The following ESRRG variants were observed in gnomAD, a reference collection of about 807,000 sequenced individuals.
The protein encoded by ESRRG is estrogen-related receptor gamma.
A neutral mutation model predicts 44.0 loss-of-function variants in ESRRG; 13 were observed. That is an observed-to-expected ratio of 0.30 (90% confidence interval 0.19 to 0.47). The LOEUF is 0.47. Ranked by LOEUF, ESRRG falls within the 20% of genes least tolerant of loss-of-function variation. The probability of loss-of-function intolerance (pLI) is 1.00; values close to 1 mark genes in which losing one functional copy is unlikely to be tolerated. For synonymous variants in ESRRG, 215 were observed against 214.6 expected (o/e 1.00, Z -0.02); for missense variants, 395 against 580.6 (o/e 0.68, Z 3.29).
chr1:216,577,574 A>G (rs888335125), intron 3 of ESRRG, among the ~76,000 whole-genome samples: 5 of 152,044 alleles, frequency 3.3e-5, no homozygotes, highest in Non-Finnish European at 4.4e-5. Context: ...GATGCTCTGT[A>G]TAAACAGAAG....
At chr1:216,730,209 C>G (rs540239466) in intron 2 of ESRRG, among the ~76,000 whole-genome samples, 3 of 150,058 alleles carry the variant, frequency 2.0e-5, no homozygotes, top group African/African-American at 7.4e-5. Flanking sequence ...TCTGAGGACA[C>G]GTGTCCAGTA....
chr1:216,849,158 A>C (rs1456619745), intron 2 of ESRRG, among the ~76,000 whole-genome samples: 1 of 152,188 alleles, frequency 6.6e-6, no homozygotes, highest in Non-Finnish European at 1.5e-5. Flanking sequence ...ATCTCTAATC[A>C]TTCTTCACCA....
At chr1:216,772,681 A>T (rs557294779) in intron 2 of ESRRG, among the ~76,000 whole-genome samples, 1 of 152,174 alleles carries the variant, frequency 6.6e-6, no homozygotes, top group East Asian at 1.9e-4. Context: ...AAACAATGGC[A>T]TAGTGAGTTT....
chr1:216,549,088 C>T (rs2055447757), intron 5 of ESRRG, among the ~76,000 whole-genome samples: 1 of 151,996 alleles, frequency 6.6e-6, no homozygotes, highest in Non-Finnish European at 1.5e-5. Context: ...TCAAGTGCCA[C>T]CGAAATAAGT....
intron 3 of ESRRG, among the ~76,000 whole-genome samples, chr1:216,591,306 C>T (rs907389607): frequency 6.6e-6 from 1 of 152,208 alleles, no homozygotes; most frequent in East Asian, 1.9e-4. Context: ...GCTCGAAGAG[C>T]TTCTAGGCTG....
At chr1:216,908,213 G>T (rs1577988661) in intron 2 of ESRRG, among the ~76,000 whole-genome samples, 1 of 152,194 alleles carries the variant, frequency 6.6e-6, no homozygotes, top group African/African-American at 2.4e-5. Flanking sequence ...CCTGGGATGA[G>T]GTCTGCCCAC....
intron 2 of ESRRG, among the ~76,000 whole-genome samples, chr1:216,676,194 T>C (rs2076079595): frequency 6.6e-6 from 1 of 152,186 alleles, no homozygotes; most frequent in Non-Finnish European, 1.5e-5. Flanking sequence ...AATATATATC[T>C]ATAGCTTTTT....
chr1:216,597,677 T>C (rs1031714829), intron 3 of ESRRG, among the ~76,000 whole-genome samples: 1 of 152,170 alleles, frequency 6.6e-6, no homozygotes. Context: ...TATTTGACAG[T>C]GCTGATTTGG....
chr1:216,944,989 C>A (rs546716999), intron 1 of ESRRG, among the ~76,000 whole-genome samples: 2 of 152,022 alleles, frequency 1.3e-5, no homozygotes, highest in Non-Finnish European at 2.9e-5. Context: ...TCCAACAAAC[C>A]GTCTCCAGTG....
chr1:217,086,973 G>A (rs1321934191), intron 1 of ESRRG, among the ~76,000 whole-genome samples: 1 of 152,032 alleles, frequency 6.6e-6, no homozygotes, highest in African/African-American at 2.4e-5. Flanking sequence ...GTAAACAAAA[G>A]GAGAACTTCA....
chr1:216,559,320 GA>G (rs1035722502), intron 5 of ESRRG, among the ~76,000 whole-genome samples: 5 of 152,082 alleles, frequency 3.3e-5, no homozygotes, highest in Non-Finnish European at 5.9e-5. Flanking sequence ...AGTTAATCCT[GA>G]AAAAAGAGGC....
intron 1 of ESRRG, among the ~76,000 whole-genome samples, chr1:216,690,137 G>T (rs2078794609): frequency 1.3e-5 from 2 of 152,002 alleles, no homozygotes; most frequent in South Asian, 4.1e-4. Context: ...CCCACAAAAA[G>T]AACTGCTTAG....
chr1:216,974,140 C>T (rs1578907634), intron 1 of ESRRG, among the ~76,000 whole-genome samples: 2 of 152,082 alleles, frequency 1.3e-5, no homozygotes, highest in East Asian at 1.9e-4. Flanking sequence ...TAACTTTCAA[C>T]TATATTCATC....
intron 2 of ESRRG, among the ~76,000 whole-genome samples, chr1:216,935,151 CAT>C (rs1025733713): frequency 2.0e-5 from 3 of 152,172 alleles, no homozygotes; most frequent in African/African-American, 7.2e-5. Context: ...TGCTTTCCCA[CAT>C]GTCAGTTCTC....
chr1:216,526,848 G>C (rs2047815346), intron 5 of ESRRG, among the ~76,000 whole-genome samples: 1 of 152,128 alleles, frequency 6.6e-6, no homozygotes, highest in African/African-American at 2.4e-5. Flanking sequence ...TGCCATCTCT[G>C]CCACCAAAGA....
At chr1:216,997,735 G>A (rs1276815982) in intron 1 of ESRRG, among the ~76,000 whole-genome samples, 1 of 152,216 alleles carries the variant, frequency 6.6e-6, no homozygotes, top group Non-Finnish European at 1.5e-5. Context: ...AATAGGGACA[G>A]AGGATTCCAA....
intron 2 of ESRRG, among the ~76,000 whole-genome samples, chr1:216,894,016 T>C (rs2149425664): frequency 6.6e-6 from 1 of 152,330 alleles, no homozygotes; most frequent in East Asian, 1.9e-4. Flanking sequence ...GAAAGGTTTT[T>C]TCCAAAATGC....
chr1:216,738,171 G>A (rs2090217663), intron 2 of ESRRG, among the ~76,000 whole-genome samples: 1 of 151,988 alleles, frequency 6.6e-6, no homozygotes. Flanking sequence ...GTATTTTTGG[G>A]ATAAGATCTA....
chr1:216,683,843 A>G (rs572462211), intron 1 of ESRRG, among the ~76,000 whole-genome samples: 1 of 152,290 alleles, frequency 6.6e-6, no homozygotes, highest in East Asian at 1.9e-4. Context: ...TTCTAATATT[A>G]GGTTGGTCAA....
Sources: gnomAD v4.1 joint callset for allele counts (sites outside exome capture counted in the v4.1 genomes callset) on GRCh38, gnomAD v4.1.1 for gene constraint, MANE v1.5 for transcripts, NCBI Gene and HGNC (gene_info 2026-07-23, HGNC 2026-07-21) for gene names.